The following DHRS3 variants were observed in gnomAD, a reference collection of about 807,000 sequenced individuals.
DHRS3 encodes dehydrogenase/reductase 3.
DHRS3 carries 14 observed loss-of-function variants against 27.2 expected under a neutral mutation model. That is an observed-to-expected ratio of 0.52 (90% confidence interval 0.34 to 0.81). The LOEUF (loss-of-function observed/expected upper bound fraction) is 0.81. Among genes scored for constraint, DHRS3 ranks in the 30% least tolerant of loss-of-function variants. The pLI is 0.01. For missense variants in DHRS3, 322 were observed against 406.2 expected (o/e 0.79, Z 1.78); for synonymous variants, 165 against 175.9 (o/e 0.94, Z 0.49).
chr1:12,617,417 C>T lies in DHRS3; in HGVS notation c.-69G>A. 6.7e-7 allele frequency: 1 copy of T among 1,500,244 alleles called. No homozygotes were observed. Among genetic ancestry groups the T allele is most frequent in the Non-Finnish European group, 9.0e-7 (1 of 1,111,352 alleles). 92.9% of individuals were successfully genotyped at this position (1,500,244 alleles called of 1,614,324 possible). On this transcript the variant is annotated 5_prime_UTR_variant, in exon 1 of 6. In the 5' UTR this introduces an upstream ATG that the reference lacks. Coordinates refer to ENST00000616661, the MANE Select transcript of DHRS3 (RefSeq NM_004753.7). ...CGAGCAATACAGGAATTAAAAAACA[C>T]CCCGAACAATAAATAGTAAACCGAA...
At chr1:12,613,412 C>A (rs1469698257) in intron 1 of DHRS3, among the ~76,000 whole-genome samples, 1 of 152,202 alleles carries the variant, frequency 6.6e-6, no homozygotes, top group African/African-American at 2.4e-5. Context: ...GGTCTTTATT[C>A]ATCTTTGCTA....
In DHRS3 at chr1:12,568,233, T is replaced by A. The variant is rs1043678448; in HGVS notation, c.*107A>T. On this transcript the variant is annotated 3_prime_UTR_variant, in exon 6 of 6. Transcript: ENST00000616661. Reference sequence around the variant, plus strand: ...GATTCTTCGCTGGGGACAGGAGCTGTCCTGCTCACCCAGCAGAAGCATGCC... The same window carrying A: ...GATTCTTCGCTGGGGACAGGAGCTGACCTGCTCACCCAGCAGAAGCATGCC... 50 of 1,087,192 alleles carry A rather than the reference T, an allele frequency of 4.6e-5. No individual in the cohort carries two copies. The African/African-American group carries it at 7.0e-4, about 15-fold the overall frequency. 67.3% of individuals were successfully genotyped at this position (1,087,192 alleles called of 1,614,324 possible).
chr1:12,598,892 GA>G (rs1646817629), intron 1 of DHRS3, among the ~76,000 whole-genome samples: 1 of 152,148 alleles, frequency 6.6e-6, no homozygotes, highest in South Asian at 2.1e-4. Flanking sequence ...GCAGAAGAAA[GA>G]ATTCAGCTCT....
Position 12,580,592 on chromosome 1 carries a change from G to A in DHRS3, c.270C>T (p.Cys90=), listed in dbSNP as rs1019151211. 5.6e-6 allele frequency: 9 copies of A among 1,614,002 alleles called. No homozygotes were observed. Among genetic ancestry groups the A allele is most frequent in the Non-Finnish European group, 7.6e-6 (9 of 1,180,046 alleles). The change falls in exon 2 of 6, where the codon TGC becomes TGT. Residue 90 remains cysteine (C), a synonymous_variant. Coordinates refer to ENST00000616661, the MANE Select transcript of DHRS3 (RefSeq NM_004753.7). ...TGCCCACATCACAGATGAAGTAATG[G>A]CACTCAGTGCCCATCTGCCGGATCT... is the stretch of plus-strand genomic sequence containing the variant. The part of the protein sequence containing the change: ...TEEIRQMGTE[C]HYFICDVGNR...
At chr1:12,598,632 A>C (rs979458838) in intron 1 of DHRS3, among the ~76,000 whole-genome samples, 1 of 152,132 alleles carries the variant, frequency 6.6e-6, no homozygotes. Context: ...GCTGCCCTAG[A>C]CCTTGCTGTG....
At position 12,568,123 on chromosome 1, in the gene DHRS3, C is replaced by T. The variant is rs1352446903; in HGVS notation, c.*217G>A. ...ATGTTCAAAAGTGTCAAGGTGGCTT[C>T]TGGCTGTTTTCCTGCCTCCCTGTGG... On this transcript the variant is annotated 3_prime_UTR_variant, in exon 6 of 6. Coordinates refer to ENST00000616661, the MANE Select transcript of DHRS3 (RefSeq NM_004753.7). 2.0e-5 allele frequency: 10 copies of T among 511,728 alleles called. No individual in the cohort carries two copies. In the Admixed American group the frequency reaches 2.3e-4, roughly 12 times the overall value. 31.7% of individuals were successfully genotyped at this position (511,728 alleles called of 1,614,324 possible).
intron 1 of DHRS3, among the ~76,000 whole-genome samples, chr1:12,606,136 C>CAAAAAAA (rs35154933): frequency 9.4e-6 from 1 of 106,846 alleles, no homozygotes; most frequent in African/African-American, 3.9e-5. Context: ...GACTCTGTCT[C>CAAAAAAA]AAAAAAAAAA....
intron 4 of DHRS3, among the ~76,000 whole-genome samples, chr1:12,577,390 G>A (rs752895206): frequency 9.9e-5 from 15 of 152,144 alleles, no homozygotes; most frequent in African/African-American, 1.4e-4. Flanking sequence ...AGTAATTAAC[G>A]GGACCCAATG....
At chr1:12,580,102 A>G in intron 2 of DHRS3, 1 of 295,870 alleles carries the variant, frequency 3.4e-6, no homozygotes, top group Non-Finnish European at 6.6e-6. Context: ...GGCACACAGC[A>G]TATTTATAAT....
chr1:12,603,196 G>T (rs1341578948), intron 1 of DHRS3, among the ~76,000 whole-genome samples: 1 of 152,154 alleles, frequency 6.6e-6, no homozygotes, highest in Non-Finnish European at 1.5e-5. Flanking sequence ...AGGGGCAAAA[G>T]CCCAAGCGAA....
rs1241467173 is a variant in DHRS3 at position 12,617,882 on chromosome 1, G to A, written c.-534C>T. ...CAGAAAAAAAAAAAAAAAAAAAGTG[G>A]GGGGAAAAAGTGCTTGGAGCTCCCA... On this transcript the variant is annotated 5_prime_UTR_variant, in exon 1 of 6. Coordinates refer to ENST00000616661, the MANE Select transcript of DHRS3 (RefSeq NM_004753.7). 7.5e-6 allele frequency among the ~76,000 whole-genome samples: 1 copy of A among 133,466 alleles called. No individual in the cohort carries two copies. The highest frequency in any genetic ancestry group is 2.8e-5 in the African/African-American group (1 of 36,064). 87.6% of individuals were successfully genotyped at this position (133,466 alleles called of 152,430 possible).
At chr1:12,596,511 C>G (rs569107108) in intron 1 of DHRS3, among the ~76,000 whole-genome samples, 48 of 152,288 alleles carry the variant, frequency 3.2e-4, no homozygotes, top group Non-Finnish European at 6.5e-4. Context: ...GCGCACCGCC[C>G]CTCCCTTCCG....
At chr1:12,614,847 A>G (rs887923845) in intron 1 of DHRS3, among the ~76,000 whole-genome samples, 6 of 152,008 alleles carry the variant, frequency 3.9e-5, no homozygotes, top group Non-Finnish European at 8.8e-5. Context: ...TTCCATCAAG[A>G]GGAGAAGGGA....
chr1:12,602,193 G>C (rs907249699), intron 1 of DHRS3, among the ~76,000 whole-genome samples: 1 of 152,224 alleles, frequency 6.6e-6, no homozygotes, highest in Admixed American at 6.5e-5. Flanking sequence ...CTTGTGCAGG[G>C]GAAGTTGGAT....
chr1:12,588,298 T>C (rs543101845), intron 1 of DHRS3, among the ~76,000 whole-genome samples: 2 of 152,354 alleles, frequency 1.3e-5, no homozygotes, highest in East Asian at 3.9e-4. Context: ...GCAGTTGCCA[T>C]GGGCCAGACA....
intron 1 of DHRS3, among the ~76,000 whole-genome samples, chr1:12,615,217 T>C (rs1646936935): frequency 6.6e-6 from 1 of 151,190 alleles, no homozygotes; most frequent in African/African-American, 2.4e-5. Context: ...CTCCAGTAAT[T>C]GGTCAGATAA....
rs1415745977 is a variant in DHRS3 at position 12,583,510 on chromosome 1, A to T, written c.196-2844T>A. ...CACCTACTTATCCATCCATCCATCC[A>T]TCCATCCATCCACCCATCCATCCCT... On this transcript the variant is annotated intron_variant, in intron 1 of 5. Coordinates refer to ENST00000616661, the MANE Select transcript of DHRS3 (RefSeq NM_004753.7). 3.1e-5 allele frequency among the ~76,000 whole-genome samples: 4 copies of T among 127,216 alleles called. No homozygotes were observed. The East Asian group carries it at 9.9e-4, about 31-fold the overall frequency. The allele number at this position is 127,216 out of a possible 152,430, so 83.5% of individuals were successfully genotyped here.
chr1:12,571,526 ATTT>A (rs371364169), intron 5 of DHRS3, among the ~76,000 whole-genome samples: 2 of 126,730 alleles, frequency 1.6e-5, no homozygotes, highest in African/African-American at 3.1e-5. Context: ...TGTGAGGTCA[ATTT>A]TTTTTTTTTT....
intron 1 of DHRS3, 102 bp from the exon 2 acceptor site, chr1:12,580,768 T>G: frequency 7.2e-7 from 1 of 1,380,706 alleles, no homozygotes; most frequent in Non-Finnish European, 9.9e-7. Flanking sequence ...TGTCTTGAAA[T>G]GACTGGCCTC....
Sources: gnomAD v4.1 joint callset for allele counts (sites outside exome capture counted in the v4.1 genomes callset) on GRCh38, gnomAD v4.1.1 for gene constraint, MANE v1.5 for transcripts, NCBI Gene and HGNC (gene_info 2026-07-23, HGNC 2026-07-21) for gene names.